Variants in ACOXL observed in about 807,000 individuals in gnomAD.
ACOXL encodes the protein acyl-coenzyme A oxidase-like protein.
ACOXL carries 70 observed loss-of-function variants against 71.9 expected under a neutral mutation model. The ratio of observed to expected loss-of-function variants is 0.97; its 90% CI spans 0.80 to 1.19. ACOXL has a LOEUF of 1.19. ACOXL is among the 50% of genes most tolerant of loss of function. The pLI is 0.00. For missense variants in ACOXL, 703 were observed against 736.3 expected, an observed-to-expected ratio of 0.95 and a Z score of 0.52; for synonymous variants, 253 against 281.6, an observed-to-expected ratio of 0.90 and a Z score of 1.02.
intron 9 of ACOXL, among the ~76,000 whole-genome samples, chr2:110,805,883 C>T (rs370627570): frequency 3.9e-4 from 59 of 152,306 alleles, no homozygotes; most frequent in African/African-American, 1.3e-3. Flanking sequence ...CTGCCTCTCC[C>T]GTGTATTGGT....
intron 14 of ACOXL, among the ~76,000 whole-genome samples, chr2:111,013,522 CAAAAA>C (rs56905916): frequency 0.31 from 29,655 of 95,378 alleles, 2,847 homozygotes; most frequent in Middle Eastern, 0.4. Flanking sequence ...GACCCTGTCT[CAAAAA>C]AAAAAAAAAA....
intron 16 of ACOXL, among the ~76,000 whole-genome samples, chr2:111,085,468 C>T (rs1237016933): frequency 6.6e-6 from 1 of 152,124 alleles, no homozygotes; most frequent in African/African-American, 2.4e-5. Flanking sequence ...ACAACCTGCT[C>T]TGAATGACTT....
At chr2:110,966,878 C>T (rs2061955010) in intron 12 of ACOXL, among the ~76,000 whole-genome samples, 1 of 152,234 alleles carries the variant, frequency 6.6e-6, no homozygotes. Context: ...TCCTTTTCCT[C>T]CAGCATGGTG....
chr2:110,849,307 T>C lies in ACOXL; in HGVS notation c.788+7902T>C, dbSNP rs114101331. Among the ~76,000 whole-genome samples the C allele has an allele frequency of 8.8e-3, 1,346 of 152,342 alleles. 7 individuals are homozygous for C. The highest frequency in any genetic ancestry group is 0.016 in the Non-Finnish European group (1,056 of 68,032). On this transcript the variant is annotated intron_variant, in intron 10 of 17. Transcript: ENST00000439055. ...TCTGGGAGGAACTGGTTAGTCTTTC[T>C]TGAATGATATCCCCCTGGAAAATGA...
chr2:110,860,764 A>G (rs967459130), intron 10 of ACOXL, among the ~76,000 whole-genome samples: 2 of 152,188 alleles, frequency 1.3e-5, no homozygotes, highest in African/African-American at 4.8e-5. Context: ...TGTCTAGGTG[A>G]TCTGCTGCAA....
intron 10 of ACOXL, among the ~76,000 whole-genome samples, chr2:110,891,223 G>A (rs1366276548): frequency 6.6e-6 from 1 of 152,052 alleles, no homozygotes; most frequent in Non-Finnish European, 1.5e-5. Flanking sequence ...AGTAGAGATA[G>A]AGTTACTTCT....
chr2:110,930,323 C>T lies in ACOXL; in HGVS notation c.906-3166C>T, dbSNP rs570034892. Among the ~76,000 whole-genome samples, 4 of 152,346 alleles carry T rather than the reference C, an allele frequency of 2.6e-5. No individual in the cohort carries two copies. The East Asian group carries it at 7.7e-4, about 29-fold the overall frequency. Reference sequence around the variant, plus strand: ...CTGTGAACTTACAGGGGGCCTGTAGCCCCTTTGTTTTGGCCAATTTCTCCC... The same window carrying T: ...CTGTGAACTTACAGGGGGCCTGTAGTCCCTTTGTTTTGGCCAATTTCTCCC... On this transcript the variant is annotated intron_variant, in intron 11 of 17. Coordinates refer to ENST00000439055, the MANE Select transcript of ACOXL (RefSeq NM_001142807.4).
chr2:110,968,197 C>G (rs917738662), intron 12 of ACOXL: 24 of 1,097,210 alleles, frequency 2.2e-5, no homozygotes, highest in Non-Finnish European at 2.6e-5. Flanking sequence ...CTATGAAGGC[C>G]AAGTGTAGGT....
chr2:110,758,671 C>G (rs1380304223), intron 1 of ACOXL, among the ~76,000 whole-genome samples: 1 of 152,098 alleles, frequency 6.6e-6, no homozygotes. Flanking sequence ...TCTTGTCTAT[C>G]TCCTTCAGTT....
At position 111,039,563 on chromosome 2, in the gene ACOXL, C is replaced by T. The variant is rs111229368; in HGVS notation, c.1369+7849C>T. On this transcript the variant is annotated intron_variant, in intron 15 of 17. Coordinates refer to ENST00000439055, the MANE Select transcript of ACOXL (RefSeq NM_001142807.4). ...AGTATTTCACCTTTGTCTACTGACACGTAGAATCTCAGCTCTGGCTTATCA... is the reference window on the plus strand; with the variant it reads ...AGTATTTCACCTTTGTCTACTGACATGTAGAATCTCAGCTCTGGCTTATCA... 2.0e-3 allele frequency among the ~76,000 whole-genome samples: 307 copies of T among 152,288 alleles called. 2 individuals carry two copies. Among genetic ancestry groups the T allele is most frequent in the African/African-American group, 6.4e-3 (268 of 41,552 alleles).
intron 14 of ACOXL, among the ~76,000 whole-genome samples, chr2:111,017,494 C>CAAGTGGGGAGCAGTGGCCTT (rs1264361749): frequency 6.6e-6 from 1 of 152,200 alleles, no homozygotes; most frequent in Non-Finnish European, 1.5e-5. Context: ...CACTAGAGGC[C>CAAGTGGGGAGCAGTGGCCTT]AAGTGGGGAG....
At chr2:110,770,796 C>T (rs934782570) in intron 2 of ACOXL, among the ~76,000 whole-genome samples, 2 of 152,240 alleles carry the variant, frequency 1.3e-5, no homozygotes, top group Non-Finnish European at 2.9e-5. Context: ...CAGCTTCTTG[C>T]TCCCTTAATC....
rs562167697 is a variant in ACOXL, at chr2:111,108,598, C to T, written c.1543-9018C>T. On this transcript the variant is annotated intron_variant, in intron 17 of 17. Transcript: ENST00000439055. The stretch of plus-strand genomic sequence containing the variant: ...TTCTCCATATTGGTCAGGCTGGTCT[C>T]GTCCCGACCTCAGGTGATACCGCCC... Among the ~76,000 whole-genome samples, 19 of 152,208 alleles carry T rather than the reference C, an allele frequency of 1.2e-4. No individual in the cohort carries two copies. In the South Asian group the frequency reaches 1.5e-3, roughly 12 times the overall value.
intron 16 of ACOXL, among the ~76,000 whole-genome samples, chr2:111,056,200 TA>T (rs5833383): frequency 7.7e-4 from 112 of 145,606 alleles, no homozygotes; most frequent in Admixed American, 1.2e-3. Context: ...ACCCCAACTT[TA>T]AAAAAAAAAA....
chr2:110,884,837 C>T (rs1257896036), intron 10 of ACOXL, among the ~76,000 whole-genome samples: 3 of 151,848 alleles, frequency 2.0e-5, no homozygotes, highest in Admixed American at 6.6e-5. Flanking sequence ...TGGTTTTTTC[C>T]GTTCAGCCCA....
At chr2:111,041,587 C>T (rs1009111978) in intron 15 of ACOXL, among the ~76,000 whole-genome samples, 5 of 124,190 alleles carry the variant, frequency 4.0e-5, no homozygotes, top group African/African-American at 6.1e-5. Flanking sequence ...CAGTGGCTGC[C>T]GCCTCTGGCT....
At chr2:111,106,516 T>C (rs1475046714) in intron 17 of ACOXL, among the ~76,000 whole-genome samples, 1 of 152,252 alleles carries the variant, frequency 6.6e-6, no homozygotes, top group African/African-American at 2.4e-5. Context: ...CCACTATCTC[T>C]GTCATGTTGG....
chr2:110,832,761 G>A (rs2105656585), intron 9 of ACOXL, among the ~76,000 whole-genome samples: 1 of 152,182 alleles, frequency 6.6e-6, no homozygotes, highest in Admixed American at 6.5e-5. Flanking sequence ...TATAAAATGG[G>A]TAAAAGAGAT....
At chr2:110,811,785 A>ACACACACACACACACACACG (rs1225876415) in intron 9 of ACOXL, among the ~76,000 whole-genome samples, 5 of 148,982 alleles carry the variant, frequency 3.4e-5, no homozygotes, top group Non-Finnish European at 6.0e-5. Flanking sequence ...ACACACACAC[A>ACACACACACACACACACACG]CGCGGGGAGG....
Sources: gnomAD v4.1 joint callset for allele counts (sites outside exome capture counted in the v4.1 genomes callset) on GRCh38, gnomAD v4.1.1 for gene constraint, MANE v1.5 for transcripts, NCBI Gene and HGNC (gene_info 2026-07-23, HGNC 2026-07-21) for gene names.